Variants in FOXP1 observed in about 807,000 individuals in gnomAD.
FOXP1 encodes the protein forkhead box P1, also known as forkhead box protein P1.
FOXP1 carries 15 observed loss-of-function variants against 98.2 expected under a neutral mutation model. The observed-to-expected ratio is 0.15, with a 90% confidence interval of 0.10 to 0.24. FOXP1 has a LOEUF of 0.24. FOXP1 is among the 10% of genes least tolerant of loss of function. The probability of loss-of-function intolerance (pLI) is 1.00; values close to 1 mark genes in which losing one functional copy is unlikely to be tolerated. For synonymous variants in FOXP1, 371 were observed against 314.5 expected, an observed-to-expected ratio of 1.18 and a Z score of -1.90; for missense variants, 633 against 848.5, an observed-to-expected ratio of 0.75 and a Z score of 3.15.
chr3:71,130,034 C>A (rs952749977), intron 6 of FOXP1, among the ~76,000 whole-genome samples: 1 of 152,142 alleles, frequency 6.6e-6, no homozygotes, highest in Non-Finnish European at 1.5e-5. Flanking sequence ...TTACCAAGAC[C>A]GATTCACAAA....
intron 5 of FOXP1, among the ~76,000 whole-genome samples, chr3:71,215,801 A>C (rs2108482594): frequency 6.6e-6 from 1 of 152,314 alleles, no homozygotes; most frequent in East Asian, 1.9e-4. Flanking sequence ...CTTGTTTACC[A>C]AGTTGTAGTT....
intron 5 of FOXP1, among the ~76,000 whole-genome samples, chr3:71,254,892 G>A (rs965785767): frequency 2.6e-5 from 4 of 152,146 alleles, no homozygotes; most frequent in Non-Finnish European, 5.9e-5. Flanking sequence ...AAAATGCCCA[G>A]CATTGCAACA....
At chr3:70,971,153 G>T (rs2036150951) in intron 18 of FOXP1, 2 of 342,086 alleles carry the variant, frequency 5.8e-6, no homozygotes, top group Admixed American at 8.2e-5. Flanking sequence ...TCGTGCTGGG[G>T]AAGGCAGTGA....
At chr3:71,558,436 A>G (rs543944961) in intron 2 of FOXP1, among the ~76,000 whole-genome samples, 2 of 152,216 alleles carry the variant, frequency 1.3e-5, no homozygotes, top group South Asian at 4.2e-4. Context: ...AAAGTTTTCT[A>G]GGAGGCTGAT....
chr3:71,475,244 A>C (rs190217670), intron 3 of FOXP1, among the ~76,000 whole-genome samples: 167 of 152,270 alleles, frequency 1.1e-3, no homozygotes, highest in African/African-American at 3.8e-3. Flanking sequence ...TGCAAGGAAC[A>C]CCCAAGCATT....
upstream of FOXP1, chr3:71,583,736 A>G: frequency 1.0e-6 from 1 of 985,332 alleles, no homozygotes; most frequent in Non-Finnish European, 1.2e-6. Context: ...TACAGCGTGC[A>G]ACCGCCACAC....
intron 2 of FOXP1, among the ~76,000 whole-genome samples, chr3:71,536,934 G>C (rs2044345441): frequency 6.6e-6 from 1 of 152,122 alleles, no homozygotes; most frequent in Non-Finnish European, 1.5e-5. Context: ...CAGAGATGTA[G>C]AAGTGACTTA....
At chr3:71,539,087 T>TTTTTTTA (rs1217528324) in intron 2 of FOXP1, among the ~76,000 whole-genome samples, 2 of 149,190 alleles carry the variant, frequency 1.3e-5, no homozygotes, top group African/African-American at 5.1e-5. Flanking sequence ...TTGTTTTAGG[T>TTTTTTTA]TTTTTTATTT....
chr3:71,191,661 C>T (rs1426141691), intron 6 of FOXP1, among the ~76,000 whole-genome samples: 1 of 152,186 alleles, frequency 6.6e-6, no homozygotes, highest in Non-Finnish European at 1.5e-5. Flanking sequence ...TGATGGAAGG[C>T]AGGTCTAAAC....
chr3:71,556,421 C>CA (rs1252303657), intron 2 of FOXP1, among the ~76,000 whole-genome samples: 1 of 151,712 alleles, frequency 6.6e-6, no homozygotes, highest in East Asian at 1.9e-4. Context: ...ACTAAAAACA[C>CA]AAAAAATTAG....
At chr3:71,433,867 T>C (rs2084961274) in intron 3 of FOXP1, among the ~76,000 whole-genome samples, 1 of 152,212 alleles carries the variant, frequency 6.6e-6, no homozygotes, top group Non-Finnish European at 1.5e-5. Context: ...TGCCATCCCC[T>C]GATGGCACAG....
At chr3:71,418,559 A>G (rs749080406) in intron 3 of FOXP1, among the ~76,000 whole-genome samples, 7 of 152,214 alleles carry the variant, frequency 4.6e-5, no homozygotes, top group Non-Finnish European at 1.0e-4. Context: ...TGAAGTGTTA[A>G]AAGCGGTGTA....
intron 5 of FOXP1, among the ~76,000 whole-genome samples, chr3:71,211,300 G>T (rs2064440046): frequency 6.6e-6 from 1 of 152,070 alleles, no homozygotes; most frequent in African/African-American, 2.4e-5. Context: ...TCTTCCTCTT[G>T]GTTCCAGTGA....
chr3:71,265,922 A>C (rs1358552024), intron 5 of FOXP1, among the ~76,000 whole-genome samples: 1 of 152,178 alleles, frequency 6.6e-6, no homozygotes, highest in Non-Finnish European at 1.5e-5. Flanking sequence ...GGATGCCAAA[A>C]GTTGAGAGCA....
intron 6 of FOXP1, among the ~76,000 whole-genome samples, chr3:71,184,547 C>T (rs990651646): frequency 7.2e-5 from 11 of 152,148 alleles, no homozygotes; most frequent in Non-Finnish European, 1.5e-4. Flanking sequence ...TCAGAGCTGG[C>T]GTGTACAGTG....
chr3:71,142,246 GGT>G (rs1248656067), intron 6 of FOXP1, among the ~76,000 whole-genome samples: 1 of 152,158 alleles, frequency 6.6e-6, no homozygotes. Context: ...CCATTTTTAA[GGT>G]TGTAATGTCA....
At chr3:70,980,055 C>G (rs567106300) in intron 14 of FOXP1, among the ~76,000 whole-genome samples, 3 of 152,272 alleles carry the variant, frequency 2.0e-5, no homozygotes, top group East Asian at 3.9e-4. Flanking sequence ...AATGCCCCAG[C>G]AAGCTGAGCA....
At chr3:71,531,638 A>G (rs1216759267) in intron 2 of FOXP1, among the ~76,000 whole-genome samples, 25 of 152,346 alleles carry the variant, frequency 1.6e-4, no homozygotes, top group Admixed American at 6.5e-5. Flanking sequence ...TGCTTCCCTG[A>G]CTGCACAGTT....
In FOXP1 at chr3:70,954,769, TA is replaced by T. The variant is rs1342431347; in HGVS notation, c.*4477del. ...CATTTGAGAATGCTTATAATGTCAG[TA>T]ATTAGTACTGACTACACAACATTTT... On this transcript the variant is annotated 3_prime_UTR_variant, in exon 21 of 21. Coordinates refer to ENST00000649528, the MANE Select transcript of FOXP1 (RefSeq NM_001349338.3). 3 of 230,590 alleles carry T rather than the reference TA, an allele frequency of 1.3e-5. No homozygotes were observed. Among genetic ancestry groups the T allele is most frequent in the Non-Finnish European group, 2.6e-5 (3 of 116,478 alleles). The allele number at this position is 230,590 out of a possible 1,614,324, so 14.3% of individuals were successfully genotyped here.
Sources: gnomAD v4.1 joint callset for allele counts (sites outside exome capture counted in the v4.1 genomes callset) on GRCh38, gnomAD v4.1.1 for gene constraint, MANE v1.5 for transcripts, NCBI Gene and HGNC (gene_info 2026-07-23, HGNC 2026-07-21) for gene names.